TNPO1: variants seen among roughly 807,000 people sequenced by gnomAD.
TNPO1 encodes the protein transportin-1.
In TNPO1, 8 loss-of-function variants were observed where a neutral mutation model predicts 119.5. That is an observed-to-expected ratio of 0.07 (90% CI 0.04 to 0.12). TNPO1 has a LOEUF of 0.12. Among genes scored for constraint, TNPO1 ranks in the 10% least tolerant of loss-of-function variants. TNPO1 has a pLI of 1.00. For missense variants in TNPO1, 576 were observed against 1,089.8 expected, an observed-to-expected ratio of 0.53 and a Z score of 6.64; for synonymous variants, 362 against 363.0, an observed-to-expected ratio of 1.00 and a Z score of 0.03.
chr5:72,824,715 T>C (rs969708470), intron 1 of TNPO1, among the ~76,000 whole-genome samples: 3 of 152,228 alleles, frequency 2.0e-5, no homozygotes, highest in Admixed American at 6.5e-5. Flanking sequence ...TTTCTATCTA[T>C]GCTCACTTTA....
chr5:72,849,311 G>C (rs1450300582), intron 2 of TNPO1, among the ~76,000 whole-genome samples: 1 of 152,154 alleles, frequency 6.6e-6, no homozygotes, highest in Non-Finnish European at 1.5e-5. Flanking sequence ...CCTAAACCGT[G>C]CTCAAATGGA....
chr5:72,836,351 A>T (rs1455956630), intron 1 of TNPO1, among the ~76,000 whole-genome samples: 1 of 152,160 alleles, frequency 6.6e-6, no homozygotes, highest in East Asian at 1.9e-4. Flanking sequence ...CATTCTGTGC[A>T]CCTGCAGAGT....
At chr5:72,895,883 G>T (rs1749393234) in intron 18 of TNPO1, among the ~76,000 whole-genome samples, 1 of 152,136 alleles carries the variant, frequency 6.6e-6, no homozygotes. Flanking sequence ...GTGCTAGTGT[G>T]ACTTCATGAT....
Position 72,875,650 on chromosome 5 carries a change from G to C in TNPO1, c.714G>C (p.Glu238Asp). The change falls in exon 8 of 25, where the codon GAG (glutamate) becomes GAC (aspartate). Residue 238 changes from glutamate (E) to aspartate (D), a missense_variant. Physicochemically the swap from Glu to Asp is conservative, Grantham distance 45. Around this residue, in one of 6 missense-constraint regions of TNPO1, gnomAD observed 310 missense variants for 583.0 expected, o/e 0.53. Coordinates refer to ENST00000337273, the MANE Select transcript of TNPO1 (RefSeq NM_002270.4). ...LFALAGDEEP[E>D]VRKNVCRALV... is the part of the protein sequence containing the mutation. ...CATTAGCTGGTGATGAAGAACCAGA[G>C]GTACGGAAAAATGTGTGCCGAGCAC... The C allele has an allele frequency of 6.2e-7, 1 of 1,613,324 alleles. No individual in the cohort carries two copies. Among genetic ancestry groups the C allele is most frequent in the Non-Finnish European group, 8.5e-7 (1 of 1,179,452 alleles).
At chr5:72,875,516 C>T in intron 7 of TNPO1, 99 bp from the exon 8 acceptor site, 1 of 1,327,112 alleles carries the variant, frequency 7.5e-7, no homozygotes, top group Non-Finnish European at 1.0e-6. Context: ...GTTTTTGGTA[C>T]CTTTGTAGGG....
rs928611655 is a variant in TNPO1, at chr5:72,912,988, A to G, written c.*4315A>G. ...CTGAATTATTTTTGCAAATAATACA[A>G]GGAGGGGAAACTAACTTGCTACTAG... On this transcript the variant is annotated 3_prime_UTR_variant, in exon 25 of 25. Coordinates refer to ENST00000337273, the MANE Select transcript of TNPO1 (RefSeq NM_002270.4). The G allele has an allele frequency of 6.6e-6, 1 of 152,474 alleles. No homozygotes were observed. Among genetic ancestry groups the G allele is most frequent in the African/African-American group, 2.4e-5 (1 of 41,432 alleles). The allele number at this position is 152,474 out of a possible 1,614,324, so 9.4% of individuals were successfully genotyped here. A position where few individuals can be genotyped will look rare whatever the true frequency, so the allele number is the denominator to read the frequency against.
At chr5:72,874,868 G>A (rs1747653151) in intron 7 of TNPO1, among the ~76,000 whole-genome samples, 1 of 152,154 alleles carries the variant, frequency 6.6e-6, no homozygotes, top group Admixed American at 6.5e-5. Context: ...TGTGACATGA[G>A]GAAGGCTTCA....
chr5:72,818,291 A>G (rs1235252735), intron 1 of TNPO1, among the ~76,000 whole-genome samples: 1 of 152,226 alleles, frequency 6.6e-6, no homozygotes, highest in Non-Finnish European at 1.5e-5. Context: ...TATTACCATT[A>G]TATAATGTGA....
In TNPO1 at chr5:72,852,290, C is replaced by G. The variant is rs34656; in HGVS notation, c.205+971C>G. Among the ~76,000 whole-genome samples the G allele has an allele frequency of 2.0e-4, 31 of 152,182 alleles. 4 individuals are homozygous for G. The South Asian group carries it at 6.4e-3, about 32-fold the overall frequency. Reference sequence around the variant, plus strand: ...TTTGATTATTTCTAATAATATGTAACGCATCCCACTAGACATTATTTCATA... The same window carrying G: ...TTTGATTATTTCTAATAATATGTAAGGCATCCCACTAGACATTATTTCATA... On this transcript the variant is annotated intron_variant, in intron 3 of 24. Transcript: ENST00000337273.
chr5:72,859,723 A>G (rs2112302570), intron 4 of TNPO1, among the ~76,000 whole-genome samples: 1 of 152,326 alleles, frequency 6.6e-6, no homozygotes, highest in Admixed American at 6.5e-5. Flanking sequence ...TGTTTGTACA[A>G]TTACAGGAAG....
At chr5:72,883,851 C>G (rs912399286) in intron 11 of TNPO1, among the ~76,000 whole-genome samples, 1 of 152,026 alleles carries the variant, frequency 6.6e-6, no homozygotes, top group Non-Finnish European at 1.5e-5. Flanking sequence ...CTCTGGTGAT[C>G]CTCCCACCTC....
chr5:72,888,722 G>A (rs1029939809), intron 13 of TNPO1, among the ~76,000 whole-genome samples: 27 of 152,150 alleles, frequency 1.8e-4, no homozygotes, highest in African/African-American at 5.1e-4. Context: ...GAATAACAAC[G>A]TTTGAGCAGA....
intron 15 of TNPO1, 38 bp downstream of exon 15, chr5:72,891,934 A>G: frequency 6.6e-7 from 1 of 1,518,996 alleles, no homozygotes; most frequent in Non-Finnish European, 9.0e-7. Flanking sequence ...GTTGCCAAGA[A>G]CACATGTTCA....
rs1406293334 is a variant in TNPO1 at position 72,912,456 on chromosome 5, A to G, written c.*3783A>G. ...AATATTCAGATACAAGTTTTATCTC[A>G]GGTGAATACTCTTGTATTGTTTTTG... On this transcript the variant is annotated 3_prime_UTR_variant, in exon 25 of 25. Transcript: ENST00000337273. 1 of 152,522 alleles carries G rather than the reference A, an allele frequency of 6.6e-6. No individual in the cohort carries two copies. Among genetic ancestry groups the G allele is most frequent in the Non-Finnish European group, 1.5e-5 (1 of 67,924 alleles). The allele number at this position is 152,522 out of a possible 1,614,324, so 9.4% of individuals were successfully genotyped here. A position where few individuals can be genotyped will look rare whatever the true frequency, so the allele number is the denominator to read the frequency against.
rs186276335 is a variant in TNPO1 at position 72,829,136 on chromosome 5, A to C, written c.15+12384A>C. Among the ~76,000 whole-genome samples, 559 of 152,338 alleles carry C rather than the reference A, an allele frequency of 3.7e-3. 1 individual carries two copies. The highest frequency in any genetic ancestry group is 0.013 in the African/African-American group (527 of 41,562). On this transcript the variant is annotated intron_variant, in intron 1 of 24. Coordinates refer to ENST00000337273, the MANE Select transcript of TNPO1 (RefSeq NM_002270.4). ...CAGCTCATAAAATCCTGCATGTCAA[A>C]CCTTTATTAGAAAATATTGTGAGAC... is the stretch of plus-strand genomic sequence containing the variant.
At position 72,872,622 on chromosome 5, in the gene TNPO1, T is replaced by G; in HGVS notation, c.597-17T>G. ...AGTTACAATGAGCATATGTTAAATT[T>G]TAAACTTTGTTTCTAGGTCTCACGC... is the stretch of plus-strand genomic sequence containing the variant. On this transcript the variant is annotated splice_polypyrimidine_tract_variant and intron_variant, in intron 6 of 24. Transcript: ENST00000337273. 1.3e-6 allele frequency: 2 copies of G among 1,585,802 alleles called. No individual in the cohort carries two copies. Among genetic ancestry groups the G allele is most frequent in the African/African-American group, 1.3e-5 (1 of 74,080 alleles).
At chr5:72,862,235 A>G (rs1221433496) in intron 5 of TNPO1, 7 of 173,984 alleles carry the variant, frequency 4.0e-5, no homozygotes, top group Non-Finnish European at 8.6e-5. Flanking sequence ...AAATTTACCA[A>G]ATTCCTGGAC....
intron 2 of TNPO1, among the ~76,000 whole-genome samples, chr5:72,850,815 A>G (rs1352423746): frequency 6.6e-6 from 1 of 152,138 alleles, no homozygotes; most frequent in Admixed American, 6.5e-5. Context: ...TTTTTTTTAA[A>G]AGTTATTCTA....
chr5:72,821,972 T>C (rs1743979282), intron 1 of TNPO1, among the ~76,000 whole-genome samples: 1 of 152,132 alleles, frequency 6.6e-6, no homozygotes, highest in Non-Finnish European at 1.5e-5. Flanking sequence ...TCTACCACTG[T>C]AGTGCAAAAA....
Sources: gnomAD v4.1 joint callset for allele counts (sites outside exome capture counted in the v4.1 genomes callset) on GRCh38, gnomAD v4.1.1 for gene constraint, gnomAD v4.1.1 regional missense constraint, MANE v1.5 for transcripts, NCBI Gene and HGNC (gene_info 2026-07-23, HGNC 2026-07-21) for gene names.